Variants in VPS39 observed in about 807,000 individuals in gnomAD.
The protein encoded by VPS39 is vam6/Vps39-like protein.
In VPS39, 70 loss-of-function variants were observed where a neutral mutation model predicts 121.0. The ratio of observed to expected loss-of-function variants is 0.58; its 90% confidence interval spans 0.48 to 0.71. VPS39 has a LOEUF of 0.71. VPS39 is among the 30% of genes least tolerant of loss of function. The pLI is 0.00. For synonymous variants in VPS39, 378 were observed against 398.1 expected (o/e 0.95, Z 0.60); for missense variants, 818 against 1,051.5 (o/e 0.78, Z 3.07).
chr15:42,177,926 C>G (rs1331368159), intron 10 of VPS39, among the ~76,000 whole-genome samples: 2 of 152,232 alleles, frequency 1.3e-5, no homozygotes, highest in East Asian at 1.9e-4. Context: ...CTTGGCCTCC[C>G]AAAATGCTGG....
At chr15:42,185,617 G>T (rs2049685635) in intron 7 of VPS39, among the ~76,000 whole-genome samples, 1 of 152,176 alleles carries the variant, frequency 6.6e-6, no homozygotes, top group Non-Finnish European at 1.5e-5. Flanking sequence ...TCTGCTAAGT[G>T]AAAGAAGCCA....
intron 7 of VPS39, among the ~76,000 whole-genome samples, chr15:42,185,178 CTTT>C (rs34792839): frequency 5.1e-5 from 7 of 136,218 alleles, no homozygotes; most frequent in Non-Finnish European, 4.7e-5. Context: ...TTGAAAACAA[CTTT>C]TTTTTTTTTT....
intron 8 of VPS39, among the ~76,000 whole-genome samples, chr15:42,182,471 T>C (rs1001239802): frequency 6.6e-6 from 1 of 152,192 alleles, no homozygotes; most frequent in Admixed American, 6.5e-5. Flanking sequence ...GACTGGCTGG[T>C]GTACAGCAGG....
rs142794953 is a variant in VPS39, at chr15:42,182,542, G to A, written c.718+1975C>T. Among the ~76,000 whole-genome samples the A allele has an allele frequency of 7.2e-5, 11 of 152,260 alleles. No homozygotes were observed. In the East Asian group the frequency reaches 9.6e-4, roughly 13 times the overall value. ...TTATTCAGCAAGCATTTTCTTACAC[G>A]CTCTGATGTTTCAGGCACTGTACTA... is the stretch of plus-strand genomic sequence containing the variant. On this transcript the variant is annotated intron_variant, in intron 8 of 24. Transcript: ENST00000318006.
chr15:42,181,662 A>T (rs1167163996), intron 8 of VPS39, among the ~76,000 whole-genome samples: 1 of 152,198 alleles, frequency 6.6e-6, no homozygotes, highest in Non-Finnish European at 1.5e-5. Flanking sequence ...ATATATATTC[A>T]TAAAAATAAT....
intron 8 of VPS39, 32 bp from the exon 9 acceptor site, chr15:42,178,602 C>T (rs372639854): frequency 2.7e-5 from 44 of 1,610,470 alleles, no homozygotes; most frequent in African/African-American, 1.3e-4. Context: ...GCAGTTGTTC[C>T]GGTCTAAGGC....
At chr15:42,187,240 T>C (rs2049721636) in intron 7 of VPS39, 31 bp downstream of exon 7, 1 of 1,552,780 alleles carries the variant, frequency 6.4e-7, no homozygotes. Flanking sequence ...CAAGATAAAC[T>C]AATGATATTT....
At chr15:42,164,641 T>C (rs772294028) in intron 18 of VPS39, 155 bp from the exon 19 acceptor site, 22 of 1,441,354 alleles carry the variant, frequency 1.5e-5, no homozygotes, top group Non-Finnish European at 1.8e-5. Context: ...TAGTTCATAG[T>C]CTCCATGTGG....
chr15:42,189,491 G>C (rs1417489791), intron 4 of VPS39, among the ~76,000 whole-genome samples: 3 of 152,142 alleles, frequency 2.0e-5, no homozygotes, highest in African/African-American at 7.2e-5. Context: ...CACTTTGGGA[G>C]GCTGAGACAG....
chr15:42,185,602 T>G (rs2049685354), intron 7 of VPS39, among the ~76,000 whole-genome samples: 1 of 152,202 alleles, frequency 6.6e-6, no homozygotes, highest in African/African-American at 2.4e-5. Flanking sequence ...AAATCTCCAG[T>G]GCATTCTGCT....
At position 42,170,849 on chromosome 15, in the gene VPS39, A is replaced by T. The variant is rs565210050; in HGVS notation, c.1091-983T>A. On this transcript the variant is annotated intron_variant, in intron 11 of 24. Coordinates refer to ENST00000318006, the MANE Select transcript of VPS39 (RefSeq NM_015289.5). ...CTGGCTCAAGTGATCCTCCTGCCTC[A>T]CCTTCCCAAGTAGCTGGGACTACAG... is the stretch of plus-strand genomic sequence containing the variant. Among the ~76,000 whole-genome samples, 7 of 136,826 alleles carry T rather than the reference A, an allele frequency of 5.1e-5. No homozygotes were observed. In the South Asian group the frequency reaches 1.4e-3, roughly 28 times the overall value. 89.8% of individuals were successfully genotyped at this position (136,826 alleles called of 152,430 possible).
intron 1 of VPS39, 140 bp from the exon 2 acceptor site, chr15:42,200,101 G>T: frequency 1.3e-6 from 1 of 756,448 alleles, no homozygotes; most frequent in Non-Finnish European, 2.0e-6. Context: ...AGTTGCTTTT[G>T]ATAGGAGGTG....
chr15:42,208,082 C>T lies in VPS39; in HGVS notation c.72G>A (p.Trp24Ter), dbSNP rs1020329181. The change falls in exon 1 of 25, where the codon TGG (tryptophan) becomes TGA (stop). Residue 24 changes from tryptophan to a stop codon, truncating the protein, a stop_gained and splice_region_variant. Coordinates refer to ENST00000318006, the MANE Select transcript of VPS39 (RefSeq NM_015289.5). LOFTEE classifies it high-confidence loss of function. ...LPLQIDCLAA[W>*]EEWLLVGTKQ... Reference sequence around the variant, plus strand: ...CGGCCCCGCGGCCCCTCGGCTCACCCCAGGCAGCCAGACAGTCGATTTGCA... The same window carrying T: ...CGGCCCCGCGGCCCCTCGGCTCACCTCAGGCAGCCAGACAGTCGATTTGCA... 6 of 1,580,830 alleles carry T rather than the reference C, an allele frequency of 3.8e-6. No homozygotes were observed. The highest frequency in any genetic ancestry group is 5.2e-6 in the Non-Finnish European group (6 of 1,162,774).
At chr15:42,199,443 A>G in intron 2 of VPS39, 1 of 312,666 alleles carries the variant, frequency 3.2e-6, no homozygotes, top group Non-Finnish European at 6.2e-6. Flanking sequence ...GGGGAAGTGC[A>G]CATGAAGGCA....
intron 8 of VPS39, among the ~76,000 whole-genome samples, chr15:42,179,425 A>G (rs1192492312): frequency 6.6e-6 from 1 of 150,890 alleles, no homozygotes; most frequent in Non-Finnish European, 1.5e-5. Context: ...AAATACAAAA[A>G]AATTAGCCGG....
At chr15:42,189,794 CTTTTTTTTTTT>C (rs34353468) in intron 4 of VPS39, among the ~76,000 whole-genome samples, 4 of 34,026 alleles carry the variant, frequency 1.2e-4, no homozygotes, top group Non-Finnish European at 1.2e-4. Context: ...CCAAAACACT[CTTTTTTTTTTT>C]TTTTTTTTTT....
At chr15:42,195,599 G>A (rs1366582542) in intron 2 of VPS39, among the ~76,000 whole-genome samples, 1 of 152,116 alleles carries the variant, frequency 6.6e-6, no homozygotes, top group Non-Finnish European at 1.5e-5. Flanking sequence ...AAATACCTAG[G>A]AATCCAACTT....
chr15:42,183,887 C>T (rs1285078282), intron 8 of VPS39, among the ~76,000 whole-genome samples: 1 of 152,090 alleles, frequency 6.6e-6, no homozygotes, highest in Non-Finnish European at 1.5e-5. Flanking sequence ...TAGTAATGCT[C>T]ACTCTTCCGA....
In VPS39 at chr15:42,161,663, A is replaced by T. The variant is rs759275978; in HGVS notation, c.2552+19T>A. ...CCTCCACAAAGCCCAGATGCCACACAGGTGTGAAGGAGGCTCACCTGTTCC... is the reference window on the plus strand; with the variant it reads ...CCTCCACAAAGCCCAGATGCCACACTGGTGTGAAGGAGGCTCACCTGTTCC... On this transcript the variant is annotated intron_variant, in intron 24 of 24. Coordinates refer to ENST00000318006, the MANE Select transcript of VPS39 (RefSeq NM_015289.5). 16 of 1,612,908 alleles carry T rather than the reference A, an allele frequency of 9.9e-6. No individual in the cohort carries two copies. In the South Asian group the frequency reaches 1.2e-4, roughly 12 times the overall value.
Sources: allele counts gnomAD v4.1 joint callset (sites outside exome capture counted in the v4.1 genomes callset), GRCh38; gene constraint gnomAD v4.1.1; transcripts MANE v1.5; gene names NCBI Gene and HGNC (gene_info 2026-07-23, HGNC 2026-07-21).